C9orf153: variants seen among roughly 807,000 people sequenced by gnomAD.
The protein encoded by C9orf153 is uncharacterized protein C9orf153.
Under a neutral mutation model 9.0 loss-of-function variants are expected in C9orf153, and 10 were observed. The ratio of observed to expected loss-of-function variants is 1.11; its 90% CI spans 0.69 to 1.89. C9orf153 has a LOEUF of 1.89. Ranked by LOEUF, C9orf153 falls within the 40% of genes most tolerant of loss-of-function variation. The pLI is 0.00. For missense variants in C9orf153, 108 were observed against 111.0 expected, an observed-to-expected ratio of 0.97 and a Z score of 0.12; for synonymous variants, 35 against 37.3, an observed-to-expected ratio of 0.94 and a Z score of 0.23.
At chr9:86,240,716 T>G (rs1405584880) in intron 1 of C9orf153, among the ~76,000 whole-genome samples, 1 of 143,822 alleles carries the variant, frequency 7.0e-6, no homozygotes, top group African/African-American at 2.6e-5. Context: ...TCTTTTTTTT[T>G]TTTTTTTTTT....
At chr9:86,247,242 T>TG (rs759945709) in intron 1 of C9orf153, among the ~76,000 whole-genome samples, 2 of 152,206 alleles carry the variant, frequency 1.3e-5, no homozygotes, top group Non-Finnish European at 2.9e-5. Flanking sequence ...CAGAACTCTT[T>TG]GGGGTACAGT....
chr9:86,234,977 A>T (rs1824549161), intron 1 of C9orf153, among the ~76,000 whole-genome samples: 1 of 152,220 alleles, frequency 6.6e-6, no homozygotes, highest in African/African-American at 2.4e-5. Context: ...GTAAGGTCAC[A>T]GGGCAAATTG....
chr9:86,244,486 G>A (rs1173716664), intron 1 of C9orf153, among the ~76,000 whole-genome samples: 1 of 152,204 alleles, frequency 6.6e-6, no homozygotes, highest in East Asian at 1.9e-4. Flanking sequence ...TGATTTAGTA[G>A]TGGTCATGGT....
intron 3 of C9orf153, among the ~76,000 whole-genome samples, chr9:86,226,398 T>C (rs1254095073): frequency 6.6e-6 from 1 of 152,150 alleles, no homozygotes; most frequent in East Asian, 1.9e-4. Context: ...CTTGACTCAC[T>C]GCAACCTCTG....
At position 86,224,025 on chromosome 9, in the gene C9orf153, G is replaced by T. The variant is rs562761957; in HGVS notation, c.243-2292C>A. Reference sequence around the variant, plus strand: ...GTCCCAGCTACTGGGGAGGCTGAAGGAGAAAGATTCCTTGAGCTCAGGAGT... The same window carrying T: ...GTCCCAGCTACTGGGGAGGCTGAAGTAGAAAGATTCCTTGAGCTCAGGAGT... On this transcript the variant is annotated intron_variant, in intron 3 of 3. Coordinates refer to ENST00000339137, the MANE Select transcript of C9orf153 (RefSeq NM_001276366.4). 7.9e-5 allele frequency among the ~76,000 whole-genome samples: 12 copies of T among 152,026 alleles called. No individual in the cohort carries two copies. In the East Asian group the frequency reaches 1.7e-3, roughly 22 times the overall value.
intron 1 of C9orf153, among the ~76,000 whole-genome samples, chr9:86,252,135 A>G (rs1007954216): frequency 2.0e-5 from 3 of 152,122 alleles, no homozygotes; most frequent in Non-Finnish European, 4.4e-5. Context: ...CCTGGGTTCA[A>G]GTGATCCTCC....
chr9:86,256,845 G>A (rs1825131649), intron 1 of C9orf153, among the ~76,000 whole-genome samples: 1 of 152,216 alleles, frequency 6.6e-6, no homozygotes, highest in Admixed American at 6.5e-5. Flanking sequence ...ACAAAGAACA[G>A]CGCATAGCCA....
chr9:86,228,231 C>T (rs868667948), intron 2 of C9orf153, among the ~76,000 whole-genome samples: 5 of 152,060 alleles, frequency 3.3e-5, no homozygotes, highest in Non-Finnish European at 5.9e-5. Context: ...GTCAAATCTC[C>T]GATTCACTCC....
At chr9:86,221,833 G>A (rs1387668829) in intron 3 of C9orf153, 100 bp from the exon 4 acceptor site, 1 of 648,208 alleles carries the variant, frequency 1.5e-6, no homozygotes, top group Non-Finnish European at 2.6e-6. Flanking sequence ...TGATGAACTC[G>A]AGTCCCCTCT....
intron 1 of C9orf153, among the ~76,000 whole-genome samples, chr9:86,239,535 A>G (rs1302990151): frequency 1.3e-5 from 2 of 152,228 alleles, no homozygotes; most frequent in African/African-American, 2.4e-5. Context: ...GAGAAGTCCA[A>G]ATAAGGTGGC....
rs75083969 is a variant in C9orf153, at chr9:86,246,917, G to C, written c.-27+12633C>G. Reference sequence around the variant, plus strand: ...GAAAACGGAGTAGCAAGCCATGGATGAAAGGGAAAGCAATGTTTCCCAAGC... The same window carrying C: ...GAAAACGGAGTAGCAAGCCATGGATCAAAGGGAAAGCAATGTTTCCCAAGC... On this transcript the variant is annotated intron_variant, in intron 1 of 3. Transcript: ENST00000339137. 6.9e-3 allele frequency among the ~76,000 whole-genome samples: 1,055 copies of C among 152,304 alleles called. 12 individuals carry two copies. The highest frequency in any genetic ancestry group is 0.024 in the African/African-American group (1,008 of 41,552).
chr9:86,245,739 G>A (rs571851882), intron 1 of C9orf153, among the ~76,000 whole-genome samples: 7 of 152,030 alleles, frequency 4.6e-5, no homozygotes, highest in African/African-American at 9.7e-5. Context: ...TTACTGGCCC[G>A]CAAATCACTC....
intron 1 of C9orf153, among the ~76,000 whole-genome samples, chr9:86,256,453 T>C (rs1269692556): frequency 2.0e-5 from 3 of 152,262 alleles, no homozygotes; most frequent in Admixed American, 6.5e-5. Context: ...TCCTGCTAAT[T>C]GAATGTTATT....
chr9:86,234,337 C>T (rs1397114783), intron 1 of C9orf153, among the ~76,000 whole-genome samples: 1 of 152,036 alleles, frequency 6.6e-6, no homozygotes, highest in African/African-American at 2.4e-5. Flanking sequence ...TGTTGAATAG[C>T]TATTGTGTCA....
intron 1 of C9orf153, among the ~76,000 whole-genome samples, chr9:86,247,968 C>T (rs1824906116): frequency 6.6e-6 from 1 of 152,160 alleles, no homozygotes; most frequent in African/African-American, 2.4e-5. Flanking sequence ...GCTCTGCACG[C>T]ATTGGTGGGA....
intron 1 of C9orf153, among the ~76,000 whole-genome samples, chr9:86,235,904 A>C (rs1213318739): frequency 6.6e-6 from 1 of 152,062 alleles, no homozygotes; most frequent in East Asian, 1.9e-4. Context: ...ATTTGAAGCA[A>C]TAATGATTTA....
chr9:86,221,583 A>C lies in C9orf153; in HGVS notation c.*105T>G. 3 of 1,420,914 alleles carry C rather than the reference A, an allele frequency of 2.1e-6. No individual in the cohort carries two copies. Among genetic ancestry groups the C allele is most frequent in the Non-Finnish European group, 2.8e-6 (3 of 1,084,474 alleles). 88.0% of individuals were successfully genotyped at this position (1,420,914 alleles called of 1,614,324 possible). A position where few individuals can be genotyped will look rare whatever the true frequency, so the allele number is the denominator to read the frequency against. ...CAAAGACTTGCGAACTATAGGGGGG[A>C]AAATAACGTCAGGCATGTCCTGGCT... On this transcript the variant is annotated 3_prime_UTR_variant, in exon 4 of 4. Coordinates refer to ENST00000339137, the MANE Select transcript of C9orf153 (RefSeq NM_001276366.4).
At chr9:86,238,425 TACA>T (rs1824652116) in intron 1 of C9orf153, among the ~76,000 whole-genome samples, 1 of 152,224 alleles carries the variant, frequency 6.6e-6, no homozygotes, top group Admixed American at 6.5e-5. Context: ...TAGAAAATCA[TACA>T]ACGTCTGTTC....
chr9:86,244,395 C>T (rs1456174211), intron 1 of C9orf153, among the ~76,000 whole-genome samples: 4 of 152,046 alleles, frequency 2.6e-5, no homozygotes, highest in Non-Finnish European at 5.9e-5. Flanking sequence ...TCTAATGTGG[C>T]TACCTGGAAG....
Sources: gnomAD v4.1 joint callset for allele counts (sites outside exome capture counted in the v4.1 genomes callset) on GRCh38, gnomAD v4.1.1 for gene constraint, MANE v1.5 for transcripts, NCBI Gene and HGNC (gene_info 2026-07-23, HGNC 2026-07-21) for gene names.